Variants in KLHL32 observed in about 807,000 individuals in gnomAD.
KLHL32 encodes the protein kelch like family member 32.
KLHL32 carries 35 observed loss-of-function variants against 64.8 expected under a neutral mutation model. The ratio of observed to expected loss-of-function variants is 0.54; its 90% CI spans 0.41 to 0.72. The LOEUF is 0.72. Ranked by LOEUF, KLHL32 falls within the 30% of genes least tolerant of loss-of-function variation. KLHL32 has a pLI of 0.00. For missense variants in KLHL32, 589 were observed against 768.5 expected, an observed-to-expected ratio of 0.77 and a Z score of 2.76; for synonymous variants, 259 against 281.0, an observed-to-expected ratio of 0.92 and a Z score of 0.78.
chr6:97,108,682 C>T (rs1470337538), intron 6 of KLHL32, among the ~76,000 whole-genome samples: 1 of 152,126 alleles, frequency 6.6e-6, no homozygotes, highest in African/African-American at 2.4e-5. Flanking sequence ...CACAGTAACA[C>T]TTTTACATTT....
chr6:96,972,310 G>A (rs73494826), intron 2 of KLHL32, among the ~76,000 whole-genome samples: 3,616 of 151,838 alleles, frequency 0.024, 104 homozygotes, highest in African/African-American at 0.068. Flanking sequence ...TATATGTATG[G>A]TACATCTCAA....
At chr6:96,963,046 A>G (rs71562315) in intron 1 of KLHL32, among the ~76,000 whole-genome samples, 29,941 of 152,046 alleles carry the variant, frequency 0.2, 3,167 homozygotes, top group South Asian at 0.27. Context: ...GAGGGGGAAA[A>G]ATCTTTTTTC....
At chr6:96,980,977 C>T (rs962362160) in intron 3 of KLHL32, among the ~76,000 whole-genome samples, 6 of 142,074 alleles carry the variant, frequency 4.2e-5, no homozygotes, top group Admixed American at 1.5e-4. Flanking sequence ...CACATGGTGG[C>T]AGCAAGAAGT....
chr6:96,994,414 T>A, intron 3 of KLHL32: 2 of 732,916 alleles, frequency 2.7e-6, no homozygotes, highest in Middle Eastern at 7.1e-4. Flanking sequence ...ACAAATTATT[T>A]ATGTTTTTTT....
At chr6:97,071,806 G>T (rs1484234938) in intron 5 of KLHL32, among the ~76,000 whole-genome samples, 3 of 152,116 alleles carry the variant, frequency 2.0e-5, no homozygotes, top group African/African-American at 4.8e-5. Context: ...ACGTCATTCG[G>T]GTTGGGACTA....
At chr6:97,060,977 C>T (rs76456357) in intron 4 of KLHL32, among the ~76,000 whole-genome samples, 3,072 of 152,226 alleles carry the variant, frequency 0.02, 112 homozygotes, top group African/African-American at 0.07. Context: ...CTACAAATTG[C>T]AGGAGATGTT....
chr6:96,991,199 G>C (rs1296956616), intron 3 of KLHL32, among the ~76,000 whole-genome samples: 1 of 151,940 alleles, frequency 6.6e-6, no homozygotes, highest in South Asian at 2.1e-4. Context: ...CACTGGCGGT[G>C]GCAGAGGGTC....
At chr6:97,010,363 G>GTCTCTC (rs1044494993) in intron 3 of KLHL32, 2 of 152,110 alleles carry the variant, frequency 1.3e-5, no homozygotes, top group African/African-American at 2.4e-5. Flanking sequence ...TCATATGTCT[G>GTCTCTC]TCTCTCCCTC....
chr6:96,999,544 A>G, intron 3 of KLHL32: 1 of 980,164 alleles, frequency 1.0e-6, no homozygotes, highest in Non-Finnish European at 1.2e-6. Flanking sequence ...GACAGTATAA[A>G]AAGGTAAAAA....
chr6:96,905,750 T>A, the KLHL32 span, among the ~76,000 whole-genome samples: 2 of 152,232 alleles, frequency 1.3e-5, no homozygotes, highest in Non-Finnish European at 2.9e-5. Flanking sequence ...TTAATAATTA[T>A]AGTTTAGGTT....
chr6:96,974,140 A>G (rs1192073416), intron 2 of KLHL32, among the ~76,000 whole-genome samples: 1 of 152,172 alleles, frequency 6.6e-6, no homozygotes, highest in Non-Finnish European at 1.5e-5. Context: ...AATAGAGATA[A>G]TAATAGTACC....
intron 3 of KLHL32, among the ~76,000 whole-genome samples, chr6:97,001,373 A>C (rs1779013508): frequency 6.6e-6 from 1 of 152,238 alleles, no homozygotes; most frequent in Admixed American, 6.5e-5. Flanking sequence ...AATTAAAAAA[A>C]TTTTGTAGGT....
intron 1 of KLHL32, among the ~76,000 whole-genome samples, chr6:96,950,331 G>A (rs1452140577): frequency 6.6e-6 from 1 of 152,026 alleles, no homozygotes; most frequent in African/African-American, 2.4e-5. Flanking sequence ...AAAGAGAAGA[G>A]TGGGATGTGA....
At position 97,055,774 on chromosome 6, in the gene KLHL32, G is replaced by C. The variant is rs371577539; in HGVS notation, c.313-8854G>C. Among the ~76,000 whole-genome samples, 48 of 106,872 alleles carry C rather than the reference G, an allele frequency of 4.5e-4. 1 individual carries two copies. The highest frequency in any genetic ancestry group is 1.6e-3 in the African/African-American group (45 of 28,990). The allele number at this position is 106,872 out of a possible 152,430, so 70.1% of individuals were successfully genotyped here. ...TATCGTGCCCCTGCACCCCAGCCGA[G>C]GTAACAGACTGAGAACCTGTCTAAA... On this transcript the variant is annotated intron_variant, in intron 4 of 10. Coordinates refer to ENST00000369261, the MANE Select transcript of KLHL32 (RefSeq NM_052904.4).
chr6:96,927,352 C>G (rs1005568649), intron 1 of KLHL32, among the ~76,000 whole-genome samples: 5 of 152,152 alleles, frequency 3.3e-5, no homozygotes, highest in African/African-American at 1.2e-4. Context: ...TTAGGTAAAA[C>G]CCACCACTGA....
chr6:96,939,504 C>T (rs1022572587), intron 1 of KLHL32, among the ~76,000 whole-genome samples: 3 of 152,104 alleles, frequency 2.0e-5, no homozygotes, highest in African/African-American at 4.8e-5. Flanking sequence ...AAGTGGGAAG[C>T]TTTGACCTGC....
upstream of KLHL32, among the ~76,000 whole-genome samples, chr6:96,923,000 C>T (rs534467356): frequency 7.9e-5 from 12 of 152,180 alleles, no homozygotes; most frequent in Admixed American, 1.3e-4. Context: ...TTTAGTGAGC[C>T]GATACTATGT....
At chr6:97,107,596 C>T (rs1362033417) in intron 6 of KLHL32, among the ~76,000 whole-genome samples, 1 of 152,140 alleles carries the variant, frequency 6.6e-6, no homozygotes, top group Non-Finnish European at 1.5e-5. Flanking sequence ...ATGCTTATTG[C>T]TTTGCCAAGA....
intron 6 of KLHL32, among the ~76,000 whole-genome samples, chr6:97,106,596 A>T (rs182398672): frequency 6.6e-6 from 1 of 152,166 alleles, no homozygotes; most frequent in East Asian, 1.9e-4. Context: ...TACAAAAAAT[A>T]GCTGGGTGGT....
Sources: gnomAD v4.1 joint callset for allele counts (sites outside exome capture counted in the v4.1 genomes callset) on GRCh38, gnomAD v4.1.1 for gene constraint, MANE v1.5 for transcripts, NCBI Gene and HGNC (gene_info 2026-07-23, HGNC 2026-07-21) for gene names.